MYO16: variants seen among roughly 807,000 people sequenced by gnomAD.
MYO16 encodes the protein unconventional myosin-XVI.
A neutral mutation model predicts 205.3 loss-of-function variants in MYO16; 94 were observed. The observed-to-expected ratio is 0.46, with a 90% CI of 0.39 to 0.54. The LOEUF is 0.54. Among genes scored for constraint, MYO16 ranks in the 20% least tolerant of loss-of-function variants. The pLI, the probability that MYO16 is intolerant of heterozygous loss-of-function variation, is 0.00. For missense variants in MYO16, 2,315 were observed against 2,387.5 expected (o/e 0.97, Z 0.63); for synonymous variants, 988 against 954.0 (o/e 1.04, Z -0.66).
At chr13:109,199,031 G>A (rs1880278886) in intron 34 of MYO16, among the ~76,000 whole-genome samples, 1 of 151,696 alleles carries the variant, frequency 6.6e-6, no homozygotes, top group Non-Finnish European at 1.5e-5. Context: ...GTCAAATCCT[G>A]TGGAAACCCT....
At chr13:108,848,968 A>G (rs1877671345) in intron 10 of MYO16, among the ~76,000 whole-genome samples, 1 of 148,992 alleles carries the variant, frequency 6.7e-6, no homozygotes, top group Admixed American at 6.8e-5. Context: ...GTGCACGAGC[A>G]CACAGATCTG....
chr13:109,025,999 A>T (rs140510338), intron 23 of MYO16, among the ~76,000 whole-genome samples: 41 of 152,320 alleles, frequency 2.7e-4, no homozygotes, highest in African/African-American at 7.9e-4. Context: ...TTATATTAGC[A>T]TGAAGTGAAT....
intron 28 of MYO16, among the ~76,000 whole-genome samples, chr13:109,118,416 G>C (rs1875829654): frequency 6.6e-6 from 1 of 152,114 alleles, no homozygotes; most frequent in Non-Finnish European, 1.5e-5. Context: ...TCCTGCTGAG[G>C]GTCTCCACTG....
chr13:109,050,959 C>T (rs1433299408), intron 24 of MYO16, among the ~76,000 whole-genome samples: 3 of 151,748 alleles, frequency 2.0e-5, no homozygotes, highest in Non-Finnish European at 4.4e-5. Context: ...GACATTTGTT[C>T]AGGAAGCTTT....
chr13:108,501,755 T>A, the MYO16 span, among the ~76,000 whole-genome samples: 11 of 152,172 alleles, frequency 7.2e-5, no homozygotes, highest in East Asian at 9.6e-4. Context: ...CCAAAACGAA[T>A]AAAGAATGTG....
chr13:108,866,279 G>T, intron 12 of MYO16, 37 bp downstream of exon 12: 1 of 1,353,080 alleles, frequency 7.4e-7, no homozygotes, highest in Non-Finnish European at 1.0e-6. Flanking sequence ...GAATAATGTA[G>T]AGTAATACTT....
chr13:108,964,991 G>T, intron 20 of MYO16, 89 bp downstream of exon 20: 1 of 1,334,700 alleles, frequency 7.5e-7, no homozygotes, highest in Non-Finnish European at 1.0e-6. Context: ...ATATTACAGG[G>T]TAACCAATAA....
At chr13:108,963,432 C>T (rs866317546) in intron 19 of MYO16, among the ~76,000 whole-genome samples, 2 of 152,174 alleles carry the variant, frequency 1.3e-5, no homozygotes, top group Admixed American at 6.5e-5. Context: ...GTCAGACACA[C>T]GCCATAAATA....
chr13:108,772,592 A>G (rs9583290), intron 4 of MYO16, among the ~76,000 whole-genome samples: 5,306 of 149,464 alleles, frequency 0.036, 307 homozygotes, highest in African/African-American at 0.12. Context: ...TAAGCCTTGG[A>G]AAAAAAAAAT....
intron 7 of MYO16, among the ~76,000 whole-genome samples, chr13:108,818,910 G>A (rs1001799766): frequency 2.0e-5 from 3 of 152,140 alleles, no homozygotes; most frequent in Admixed American, 2.0e-4. Context: ...AAACCACAAT[G>A]CTCTATTCTT....
the MYO16 span, among the ~76,000 whole-genome samples, chr13:108,550,447 T>A: frequency 6.6e-6 from 1 of 152,246 alleles, no homozygotes; most frequent in Non-Finnish European, 1.5e-5. Flanking sequence ...ATCTAGAGTC[T>A]TTTGTTCCTT....
intron 2 of MYO16, among the ~76,000 whole-genome samples, chr13:108,670,786 T>C (rs746599815): frequency 2.0e-5 from 3 of 152,214 alleles, no homozygotes; most frequent in Non-Finnish European, 4.4e-5. Context: ...CATCTGTCCT[T>C]AATTTGTCTT....
the MYO16 span, among the ~76,000 whole-genome samples, chr13:108,563,613 T>C: frequency 1.3e-5 from 2 of 152,216 alleles, no homozygotes; most frequent in East Asian, 3.9e-4. Flanking sequence ...GTATCTGGCT[T>C]ATTTCACTTA....
intron 20 of MYO16, among the ~76,000 whole-genome samples, chr13:108,989,060 T>C (rs1884734060): frequency 6.6e-6 from 1 of 152,220 alleles, no homozygotes; most frequent in African/African-American, 2.4e-5. Flanking sequence ...TGCCCAAATA[T>C]ATTTTTTAAA....
chr13:108,755,307 T>G (rs181038076), intron 4 of MYO16, among the ~76,000 whole-genome samples: 16 of 152,288 alleles, frequency 1.1e-4, no homozygotes, highest in African/African-American at 3.8e-4. Flanking sequence ...ACACATGATC[T>G]AGAGCAGACA....
chr13:108,889,535 A>G (rs1880061542), intron 14 of MYO16, among the ~76,000 whole-genome samples: 2 of 152,218 alleles, frequency 1.3e-5, no homozygotes, highest in Non-Finnish European at 2.9e-5. Context: ...AGGAATGGCT[A>G]ACAGTGGGGG....
At chr13:108,795,095 T>G (rs568710563) in intron 6 of MYO16, among the ~76,000 whole-genome samples, 16 of 152,124 alleles carry the variant, frequency 1.1e-4, no homozygotes, top group African/African-American at 3.9e-4. Context: ...TCTCCTAAAG[T>G]TTATAAATTT....
the MYO16 span, among the ~76,000 whole-genome samples, chr13:108,507,173 T>C: frequency 6.6e-6 from 1 of 152,146 alleles, no homozygotes; most frequent in Non-Finnish European, 1.5e-5. Flanking sequence ...TTTATGGGAC[T>C]GTCATAAACC....
intron 28 of MYO16, among the ~76,000 whole-genome samples, chr13:109,105,825 G>A (rs993794173): frequency 6.6e-6 from 1 of 152,140 alleles, no homozygotes; most frequent in Non-Finnish European, 1.5e-5. Flanking sequence ...ATTTGAACTG[G>A]TCACCATAAG....
Sources: gnomAD v4.1 joint callset for allele counts (sites outside exome capture counted in the v4.1 genomes callset) on GRCh38, gnomAD v4.1.1 for gene constraint, MANE v1.5 for transcripts, NCBI Gene and HGNC (gene_info 2026-07-23, HGNC 2026-07-21) for gene names.